KCNIP4: variants seen among roughly 807,000 people sequenced by gnomAD.
KCNIP4 encodes the protein potassium voltage-gated channel interacting protein 4.
A neutral mutation model predicts 34.0 loss-of-function variants in KCNIP4; 12 were observed. That is an observed-to-expected ratio of 0.35 (90% CI 0.23 to 0.57). The LOEUF (loss-of-function observed/expected upper bound fraction) is 0.57. KCNIP4 is among the 20% of genes least tolerant of loss of function. The pLI is 0.83. For missense variants in KCNIP4, 238 were observed against 311.7 expected (o/e 0.76, Z 1.78); for synonymous variants, 124 against 102.2 (o/e 1.21, Z -1.29).
At chr4:21,688,059 T>A (rs1750948221) in intron 1 of KCNIP4, among the ~76,000 whole-genome samples, 2 of 152,172 alleles carry the variant, frequency 1.3e-5, no homozygotes, top group African/African-American at 4.8e-5. Flanking sequence ...ACACATTAAA[T>A]TACATGGGCA....
chr4:21,640,315 G>A (rs1746519980), intron 1 of KCNIP4, among the ~76,000 whole-genome samples: 2 of 152,156 alleles, frequency 1.3e-5, no homozygotes, highest in Admixed American at 6.5e-5. Flanking sequence ...CTTATTCAGT[G>A]GTAGCAGTTC....
At chr4:21,709,191 G>T (rs1713523914) in intron 1 of KCNIP4, among the ~76,000 whole-genome samples, 1 of 152,024 alleles carries the variant, frequency 6.6e-6, no homozygotes. Context: ...AATAAAAAAA[G>T]AATTAAAAAG....
At chr4:20,980,139 G>A (rs539877143) in intron 1 of KCNIP4, among the ~76,000 whole-genome samples, 1 of 152,208 alleles carries the variant, frequency 6.6e-6, no homozygotes, top group African/African-American at 2.4e-5. Flanking sequence ...GCCATGGCCT[G>A]GGCCTATGCC....
intron 1 of KCNIP4, among the ~76,000 whole-genome samples, chr4:21,317,429 A>G (rs1037679192): frequency 2.0e-5 from 3 of 152,186 alleles, no homozygotes; most frequent in Admixed American, 1.3e-4. Flanking sequence ...GTAACAATTT[A>G]TGGAGGAAAT....
intron 1 of KCNIP4, among the ~76,000 whole-genome samples, chr4:21,653,262 C>T (rs1747655795): frequency 6.6e-6 from 1 of 152,162 alleles, no homozygotes; most frequent in Non-Finnish European, 1.5e-5. Context: ...GTTAAAATTC[C>T]ATTTCTACAG....
At chr4:21,519,447 T>TATATACACATATGTGTGTATGTGTATGC (rs1735122480) in intron 1 of KCNIP4, among the ~76,000 whole-genome samples, 3 of 129,816 alleles carry the variant, frequency 2.3e-5, no homozygotes, top group Non-Finnish European at 3.3e-5. Flanking sequence ...TATATGTATG[T>TATATACACATATGTGTGTATGTGTATGC]GTATATACAC....
intron 1 of KCNIP4, among the ~76,000 whole-genome samples, chr4:21,451,030 G>A (rs1728469756): frequency 6.6e-6 from 1 of 152,064 alleles, no homozygotes; most frequent in Non-Finnish European, 1.5e-5. Context: ...GAGCAAAAAC[G>A]ACATAATAGT....
intron 1 of KCNIP4, among the ~76,000 whole-genome samples, chr4:21,309,010 T>G (rs954102621): frequency 2.1e-4 from 32 of 152,156 alleles, no homozygotes; most frequent in African/African-American, 7.7e-4. Flanking sequence ...AGCGTACCCC[T>G]AAAGTGCAGT....
chr4:21,814,343 GGA>G (rs1011327719), intron 1 of KCNIP4, among the ~76,000 whole-genome samples: 4 of 152,038 alleles, frequency 2.6e-5, no homozygotes, highest in South Asian at 4.1e-4. Context: ...ACATGTCATG[GGA>G]GGGACCCAGT....
At chr4:21,024,900 A>T (rs1188233334) in intron 1 of KCNIP4, among the ~76,000 whole-genome samples, 4 of 152,172 alleles carry the variant, frequency 2.6e-5, no homozygotes, top group Non-Finnish European at 5.9e-5. Flanking sequence ...CCCTTCATCA[A>T]ATTTTTTTCA....
chr4:20,742,816 C>G (rs935361048), intron 5 of KCNIP4, among the ~76,000 whole-genome samples: 1 of 152,132 alleles, frequency 6.6e-6, no homozygotes, highest in Non-Finnish European at 1.5e-5. Flanking sequence ...TTAGAAAACC[C>G]TGTCGTCTCA....
chr4:21,105,103 T>C (rs1748384769), intron 1 of KCNIP4, among the ~76,000 whole-genome samples: 1 of 151,722 alleles, frequency 6.6e-6, no homozygotes, highest in Non-Finnish European at 1.5e-5. Flanking sequence ...CATATGAACC[T>C]TAAAGTAGTT....
chr4:20,841,932 C>T (rs1185541663), intron 3 of KCNIP4, among the ~76,000 whole-genome samples: 1 of 152,062 alleles, frequency 6.6e-6, no homozygotes. Flanking sequence ...CATGGCCGTG[C>T]CCTTCTTGAC....
At chr4:20,996,591 T>G (rs1737577511) in intron 1 of KCNIP4, among the ~76,000 whole-genome samples, 1 of 152,190 alleles carries the variant, frequency 6.6e-6, no homozygotes, top group Admixed American at 6.5e-5. Flanking sequence ...CTTATTCTTT[T>G]CTCTTTCTTG....
intron 1 of KCNIP4, among the ~76,000 whole-genome samples, chr4:21,628,312 C>A (rs1163570057): frequency 1.3e-5 from 2 of 152,116 alleles, no homozygotes; most frequent in East Asian, 3.8e-4. Context: ...ATACCCCATG[C>A]ATACCTCAAT....
In KCNIP4 at chr4:21,392,671, G is replaced by A. The variant is rs528099927; in HGVS notation, c.62-509962C>T. On this transcript the variant is annotated intron_variant, in intron 1 of 8. Transcript: ENST00000382152. Reference sequence around the variant, plus strand: ...TTTTAGCTTCATAGCTTTAAAGAAAGACATTTTATTTAGCCAAACAATCTA... The same window carrying A: ...TTTTAGCTTCATAGCTTTAAAGAAAAACATTTTATTTAGCCAAACAATCTA... 7.1e-4 allele frequency among the ~76,000 whole-genome samples: 108 copies of A among 152,268 alleles called. 1 individual carries two copies. In the Middle Eastern group the frequency reaches 0.01, roughly 14 times the overall value.
In KCNIP4 at chr4:21,322,152, A is replaced by AGAAGGAAGGAAGGAAGGAAGGAAG. The variant is rs200900508; in HGVS notation, c.62-439467_62-439444dup. 6.3e-4 allele frequency among the ~76,000 whole-genome samples: 86 copies of AGAAGGAAGGAAGGAAGGAAGGAAG among 136,818 alleles called. 1 individual carries two copies. Among genetic ancestry groups the AGAAGGAAGGAAGGAAGGAAGGAAG allele is most frequent in the Middle Eastern group, 4.2e-3 (1 of 240 alleles). 89.8% of individuals were successfully genotyped at this position (136,818 alleles called of 152,430 possible). A position where few individuals can be genotyped will look rare whatever the true frequency, so the allele number is the denominator to read the frequency against. ...AGGAAGGAAGGAGGGAGGGAGGGAC[A>AGAAGGAAGGAAGGAAGGAAGGAAG]GAAGGAAGGAAGGAAGGAAGGAAGG... is the stretch of plus-strand genomic sequence containing the variant. On this transcript the variant is annotated intron_variant, in intron 1 of 8. Coordinates refer to ENST00000382152, the MANE Select transcript of KCNIP4 (RefSeq NM_025221.6).
chr4:20,930,577 T>C (rs1174174188), intron 1 of KCNIP4, among the ~76,000 whole-genome samples: 2 of 151,942 alleles, frequency 1.3e-5, no homozygotes, highest in African/African-American at 4.8e-5. Context: ...AAAGGCAACA[T>C]ACAGACTGGG....
At chr4:20,952,057 C>T (rs970837534) in intron 1 of KCNIP4, among the ~76,000 whole-genome samples, 7 of 151,948 alleles carry the variant, frequency 4.6e-5, no homozygotes, top group Admixed American at 3.3e-4. Context: ...TATTTATAAG[C>T]GATATATAGA....
Sources: gnomAD v4.1 joint callset for allele counts (sites outside exome capture counted in the v4.1 genomes callset) on GRCh38, gnomAD v4.1.1 for gene constraint, MANE v1.5 for transcripts, NCBI Gene and HGNC (gene_info 2026-07-23, HGNC 2026-07-21) for gene names.